Variants in IQGAP2 observed in about 807,000 individuals in gnomAD.
IQGAP2 encodes the protein ras GTPase-activating-like protein IQGAP2.
A neutral mutation model predicts 201.3 loss-of-function variants in IQGAP2; 173 were observed. The ratio of observed to expected loss-of-function variants is 0.86; its 90% CI spans 0.76 to 0.98. IQGAP2 has a LOEUF of 0.98. Among genes scored for constraint, IQGAP2 ranks in the 50% least tolerant of loss-of-function variants. The pLI is 0.00. For synonymous variants in IQGAP2, 675 were observed against 673.9 expected, an observed-to-expected ratio of 1.00 and a Z score of -0.03; for missense variants, 1,687 against 1,864.8, an observed-to-expected ratio of 0.90 and a Z score of 1.76.
Position 76,452,231 on chromosome 5 carries a change from CT to C in IQGAP2, c.47-9326del, listed in dbSNP as rs550343644. 4.2e-3 allele frequency among the ~76,000 whole-genome samples: 576 copies of C among 136,078 alleles called. 3 individuals are homozygous for C. Among genetic ancestry groups the C allele is most frequent in the African/African-American group, 0.011 (416 of 37,442 alleles). 89.3% of individuals were successfully genotyped at this position (136,078 alleles called of 152,430 possible). On this transcript the variant is annotated intron_variant, in intron 1 of 35. Coordinates refer to ENST00000274364, the MANE Select transcript of IQGAP2 (RefSeq NM_006633.5). ...CGCCCAGCCCTTGTTTTTTTCTTTT[CT>C]TTTTTTTTTTTTGTTTGTTTTTATT...
intron 5 of IQGAP2, among the ~76,000 whole-genome samples, chr5:76,587,602 C>A (rs955648393): frequency 1.7e-4 from 26 of 152,138 alleles, no homozygotes; most frequent in Admixed American, 1.7e-3. Flanking sequence ...CCATAAGCCA[C>A]TAATTTTTTA....
intron 5 of IQGAP2, 41 bp from the exon 6 acceptor site, chr5:76,588,865 G>T (rs1258809266): frequency 8.2e-7 from 1 of 1,215,700 alleles, no homozygotes; most frequent in South Asian, 1.3e-5. Flanking sequence ...TAAGACTTAT[G>T]ATGATAAAAT....
chr5:76,686,334 GTTT>G (rs143998388), intron 30 of IQGAP2, among the ~76,000 whole-genome samples: 3 of 129,490 alleles, frequency 2.3e-5, no homozygotes, highest in African/African-American at 9.5e-5. Context: ...CAGTTTATCT[GTTT>G]TTTTTGTTGT....
chr5:76,600,664 G>A, intron 10 of IQGAP2, 148 bp from the exon 11 acceptor site: 1 of 804,310 alleles, frequency 1.2e-6, no homozygotes, highest in Non-Finnish European at 2.0e-6. Flanking sequence ...TAAAGCCAGT[G>A]GAAAGCAGGT....
intron 2 of IQGAP2, among the ~76,000 whole-genome samples, chr5:76,483,324 TAGG>T (rs1193493732): frequency 1.3e-5 from 2 of 151,872 alleles, no homozygotes; most frequent in South Asian, 2.1e-4. Context: ...ACCGGGAGAG[TAGG>T]AGACCTCTTT....
rs752568445 is a variant in IQGAP2 at position 76,702,520 on chromosome 5, A to G, written c.4544A>G (p.Asp1515Gly). 13 of 1,593,542 alleles carry G rather than the reference A, an allele frequency of 8.2e-6. No homozygotes were observed. The Admixed American group carries it at 2.0e-4, about 25-fold the overall frequency. ...NVTFDIIATE[D>G]VGIFDVRSKF... ...ACATTTGATATCATAGCTACTGAAG[A>G]TGTAGGCATTTTCGATGTAAGATCA... Residue 1515 changes from aspartate to glycine, a missense_variant, in exon 35 of 36, where the codon GAT becomes GGT. By Grantham distance (94) the Asp-to-Gly change is moderately conservative (BLOSUM62 -1). Transcript: ENST00000274364.
chr5:76,658,326 G>A (rs1024219549), intron 20 of IQGAP2, 133 bp from the exon 21 acceptor site: 3 of 739,238 alleles, frequency 4.1e-6, no homozygotes, highest in Middle Eastern at 5.9e-4. Flanking sequence ...GGGGTGGGTA[G>A]AATGATTCTC....
chr5:76,436,697 A>G (rs1236457478), intron 1 of IQGAP2, among the ~76,000 whole-genome samples: 1 of 149,418 alleles, frequency 6.7e-6, no homozygotes, highest in Non-Finnish European at 1.5e-5. Flanking sequence ...TGCCCAGCTA[A>G]TTTGGTATTT....
chr5:76,579,649 T>C (rs1745704766), intron 5 of IQGAP2, among the ~76,000 whole-genome samples: 1 of 152,154 alleles, frequency 6.6e-6, no homozygotes, highest in Non-Finnish European at 1.5e-5. Context: ...AAAGCTTATG[T>C]ATGCCTTTTA....
chr5:76,405,654 A>T (rs1303620648), intron 1 of IQGAP2, among the ~76,000 whole-genome samples: 7 of 152,176 alleles, frequency 4.6e-5, no homozygotes, highest in Non-Finnish European at 1.5e-5. Context: ...GCATTACCTA[A>T]CATTACCTAT....
At chr5:76,512,988 G>C (rs180989455) in intron 2 of IQGAP2, among the ~76,000 whole-genome samples, 1 of 151,992 alleles carries the variant, frequency 6.6e-6, no homozygotes, top group African/African-American at 2.4e-5. Context: ...CTAGTAGGTG[G>C]AGGTTGCAGT....
chr5:76,483,842 G>C (rs1255463234), intron 2 of IQGAP2, among the ~76,000 whole-genome samples: 1 of 152,198 alleles, frequency 6.6e-6, no homozygotes, highest in African/African-American at 2.4e-5. Flanking sequence ...GGGATGGGGA[G>C]AGGACTCTAA....
At chr5:76,509,501 A>C (rs985705494) in intron 2 of IQGAP2, among the ~76,000 whole-genome samples, 3 of 151,088 alleles carry the variant, frequency 2.0e-5, no homozygotes, top group African/African-American at 7.3e-5. Flanking sequence ...GTTTCACGCC[A>C]TTCTTCTGCC....
chr5:76,510,320 T>C (rs1254876884), intron 2 of IQGAP2: 1 of 157,576 alleles, frequency 6.3e-6, no homozygotes, highest in African/African-American at 2.4e-5. Flanking sequence ...TTTTTAACCT[T>C]GTTGAATGTT....
At chr5:76,663,882 A>G (rs1210453693) in intron 21 of IQGAP2, among the ~76,000 whole-genome samples, 1 of 152,208 alleles carries the variant, frequency 6.6e-6, no homozygotes, top group African/African-American at 2.4e-5. Context: ...AAGGCCTCAT[A>G]GAATTGAAGA....
chr5:76,610,066 CTCTCTCTCTCTATATATATATATATA>C (rs1371536575), intron 12 of IQGAP2, among the ~76,000 whole-genome samples: 1 of 4,582 alleles, frequency 2.2e-4, no homozygotes, highest in African/African-American at 6.2e-4. Flanking sequence ...CTCTCTCTCT[CTCTCTCTCTCTATATATATATATATA>C]TATATATATA....
intron 35 of IQGAP2, among the ~76,000 whole-genome samples, chr5:76,703,819 G>A (rs1747642388): frequency 6.6e-6 from 1 of 152,124 alleles, no homozygotes; most frequent in Admixed American, 6.5e-5. Context: ...CTTACAAAAT[G>A]GTTTCCAGGT....
chr5:76,609,102 T>C, intron 12 of IQGAP2: 6 of 1,535,626 alleles, frequency 3.9e-6, no homozygotes, highest in Non-Finnish European at 5.2e-6. Context: ...CTCAGCAGCT[T>C]GTATTCTTAG....
chr5:76,544,443 T>C (rs558371447), intron 2 of IQGAP2, among the ~76,000 whole-genome samples: 8 of 152,268 alleles, frequency 5.3e-5, no homozygotes, highest in African/African-American at 1.7e-4. Flanking sequence ...AGGGCTCTAA[T>C]TGATTATTAA....
Sources: gnomAD v4.1 joint callset for allele counts (sites outside exome capture counted in the v4.1 genomes callset) on GRCh38, gnomAD v4.1.1 for gene constraint, MANE v1.5 for transcripts, NCBI Gene and HGNC (gene_info 2026-07-23, HGNC 2026-07-21) for gene names.